PRPSAP2: variants seen among roughly 807,000 people sequenced by gnomAD.
PRPSAP2 encodes phosphoribosyl pyrophosphate synthetase associated protein 2.
In PRPSAP2, 24 loss-of-function variants were observed where a neutral mutation model predicts 40.6. That is an observed-to-expected ratio of 0.59 (90% CI 0.43 to 0.83). The LOEUF (loss-of-function observed/expected upper bound fraction) is 0.83. Ranked by LOEUF, PRPSAP2 falls within the 40% of genes least tolerant of loss-of-function variation. PRPSAP2 has a pLI of 0.00. For missense variants in PRPSAP2, 292 were observed against 465.6 expected (o/e 0.63, Z 3.43); for synonymous variants, 149 against 164.7 (o/e 0.90, Z 0.73).
chr17:18,906,688 A>G (rs1334981475), intron 8 of PRPSAP2, among the ~76,000 whole-genome samples: 3 of 151,648 alleles, frequency 2.0e-5, no homozygotes, highest in Admixed American at 6.6e-5. Flanking sequence ...TTTAAGCATG[A>G]GTTTTTTGTG....
intron 10 of PRPSAP2, among the ~76,000 whole-genome samples, chr17:18,926,986 G>A (rs1467613183): frequency 1.3e-5 from 2 of 152,166 alleles, no homozygotes; most frequent in African/African-American, 2.4e-5. Context: ...TGTAACACCT[G>A]AGACTAGGTT....
At chr17:18,867,118 C>A in intron 3 of PRPSAP2, 164 bp from the exon 4 acceptor site, 1 of 700,418 alleles carries the variant, frequency 1.4e-6, no homozygotes, top group African/African-American at 1.8e-5. Flanking sequence ...GGGTGAGGGG[C>A]TAGGTAATGG....
chr17:18,868,319 A>G (rs914274059), intron 4 of PRPSAP2, among the ~76,000 whole-genome samples: 4 of 152,080 alleles, frequency 2.6e-5, no homozygotes, highest in Admixed American at 2.0e-4. Context: ...TACTAAAAAT[A>G]CAAAAATTTG....
intron 8 of PRPSAP2, among the ~76,000 whole-genome samples, chr17:18,910,248 C>T (rs1419294347): frequency 3.3e-5 from 5 of 152,062 alleles, no homozygotes; most frequent in African/African-American, 1.2e-4. Flanking sequence ...GGTAAAACCC[C>T]ATCTGTACTA....
intron 6 of PRPSAP2, among the ~76,000 whole-genome samples, chr17:18,882,350 A>G (rs947045496): frequency 2.6e-5 from 4 of 151,772 alleles, no homozygotes; most frequent in Admixed American, 2.0e-4. Flanking sequence ...CTTCTCTACT[A>G]AAAATACAGA....
chr17:18,881,239 T>C (rs1233342006), intron 6 of PRPSAP2, among the ~76,000 whole-genome samples: 5 of 151,942 alleles, frequency 3.3e-5, no homozygotes, highest in African/African-American at 1.2e-4. Context: ...AGAACAATTT[T>C]GTCTTTTTTT....
At chr17:18,887,699 G>A (rs955537402) in intron 7 of PRPSAP2, among the ~76,000 whole-genome samples, 2 of 152,030 alleles carry the variant, frequency 1.3e-5, no homozygotes, top group South Asian at 2.1e-4. Flanking sequence ...GAAATTCCTT[G>A]TCTTGATCTT....
intron 10 of PRPSAP2, among the ~76,000 whole-genome samples, chr17:18,927,177 C>T (rs1362019894): frequency 6.6e-6 from 1 of 152,166 alleles, no homozygotes; most frequent in Non-Finnish European, 1.5e-5. Context: ...AACCCACTCC[C>T]ACAAGCCTTT....
At position 18,916,485 on chromosome 17, in the gene PRPSAP2, G is replaced by A. The variant is rs182123790; in HGVS notation, c.733+5234G>A. On this transcript the variant is annotated intron_variant, in intron 9 of 11. Transcript: ENST00000268835. ...CCACCTCCACCTCCCGGGTTCAAGC[G>A]ATTCTCCTGCCTCAGCCTCCTGAGT... Among the ~76,000 whole-genome samples the A allele has an allele frequency of 4.6e-5, 7 of 150,678 alleles. No homozygotes were observed. The East Asian group carries it at 7.9e-4, about 17-fold the overall frequency.
chr17:18,887,079 G>C (rs1245432409), intron 7 of PRPSAP2, among the ~76,000 whole-genome samples: 1 of 151,602 alleles, frequency 6.6e-6, no homozygotes. Context: ...TGGGATTACA[G>C]GCATGGGCCC....
upstream of PRPSAP2, among the ~76,000 whole-genome samples, chr17:18,857,026 G>A (rs2036625701): frequency 6.6e-6 from 1 of 152,098 alleles, no homozygotes; most frequent in Non-Finnish European, 1.5e-5. Flanking sequence ...AAGGCGACAA[G>A]GCAAATAACG....
rs556195403 is a variant in PRPSAP2 at position 18,898,967 on chromosome 17, T to C, written c.584+9090T>C. ...CCCAGGCTGGAGTGCAATGGCGTGA[T>C]CTTGGCTCACCGTTGCAACCTCTGC... On this transcript the variant is annotated intron_variant, in intron 8 of 11. Transcript: ENST00000268835. 4.6e-5 allele frequency among the ~76,000 whole-genome samples: 7 copies of C among 152,244 alleles called. No individual in the cohort carries two copies. In the South Asian group the frequency reaches 1.5e-3, roughly 32 times the overall value.
chr17:18,912,370 C>G (rs1942886314), intron 9 of PRPSAP2, among the ~76,000 whole-genome samples: 1 of 152,138 alleles, frequency 6.6e-6, no homozygotes, highest in African/African-American at 2.4e-5. Context: ...CCTAAAAGCC[C>G]TACCTCTTAA....
chr17:18,880,016 A>G (rs1335675481), intron 6 of PRPSAP2, among the ~76,000 whole-genome samples: 2 of 152,058 alleles, frequency 1.3e-5, no homozygotes, highest in Non-Finnish European at 2.9e-5. Flanking sequence ...GAATTGCTTG[A>G]ACCCGGGAGG....
chr17:18,869,800 T>TC (rs1361926472), intron 4 of PRPSAP2, among the ~76,000 whole-genome samples: 2 of 144,228 alleles, frequency 1.4e-5, no homozygotes, highest in Admixed American at 7.1e-5. Context: ...TTTTTTTTTT[T>TC]CTCTTATCCT....
In PRPSAP2 at chr17:18,861,883, T is replaced by TTTTG. The variant is rs138555657; in HGVS notation, c.-128-3566_-128-3563dup. 3.6e-3 allele frequency among the ~76,000 whole-genome samples: 550 copies of TTTTG among 150,964 alleles called. 2 individuals are homozygous for TTTTG. Among genetic ancestry groups the TTTTG allele is most frequent in the African/African-American group, 0.012 (484 of 41,022 alleles). ...CAGGAAGAGGAATCTCAGCATGTTC[T>TTTTG]TTTGTTTGTTTGTTTGTTTGTTTTG... On this transcript the variant is annotated intron_variant, in intron 1 of 11. Transcript: ENST00000268835.
chr17:18,908,638 C>G, intron 8 of PRPSAP2: 1 of 720,934 alleles, frequency 1.4e-6, no homozygotes. Flanking sequence ...CTGGAACACC[C>G]ACGCCGACTT....
intron 8 of PRPSAP2, among the ~76,000 whole-genome samples, chr17:18,896,015 C>G (rs1008228561): frequency 6.6e-6 from 1 of 152,228 alleles, no homozygotes; most frequent in Non-Finnish European, 1.5e-5. Context: ...AGCAATCTTC[C>G]TGCCTTGGGC....
Position 18,893,854 on chromosome 17 carries a change from G to A in PRPSAP2, c.584+3977G>A, listed in dbSNP as rs1287939474. 2.6e-5 allele frequency among the ~76,000 whole-genome samples: 4 copies of A among 151,762 alleles called. No homozygotes were observed. In the South Asian group the frequency reaches 6.3e-4, roughly 24 times the overall value. ...ATTGGGATTACAGGCATGAGCCACC[G>A]CACCCAGCCACCATAGCTTTTTAAT... is the stretch of plus-strand genomic sequence containing the variant. On this transcript the variant is annotated intron_variant, in intron 8 of 11. Coordinates refer to ENST00000268835, the MANE Select transcript of PRPSAP2 (RefSeq NM_002767.4).
Sources: gnomAD v4.1 joint callset for allele counts (sites outside exome capture counted in the v4.1 genomes callset) on GRCh38, gnomAD v4.1.1 for gene constraint, MANE v1.5 for transcripts, NCBI Gene and HGNC (gene_info 2026-07-23, HGNC 2026-07-21) for gene names.